SUGCT: variants seen among roughly 807,000 people sequenced by gnomAD.
The protein encoded by SUGCT is succinyl-CoA:glutarate CoA-transferase.
In SUGCT, 41 loss-of-function variants were observed where a neutral mutation model predicts 55.0. The observed-to-expected ratio is 0.74, with a 90% CI of 0.58 to 0.97. The LOEUF (loss-of-function observed/expected upper bound fraction) is 0.97. Among genes scored for constraint, SUGCT ranks in the 50% least tolerant of loss-of-function variants. The pLI is 0.00. For missense variants in SUGCT, 568 were observed against 547.8 expected (o/e 1.04, Z -0.37); for synonymous variants, 187 against 200.4 (o/e 0.93, Z 0.56).
chr7:40,248,506 T>C (rs1790066005), intron 7 of SUGCT, among the ~76,000 whole-genome samples: 1 of 152,178 alleles, frequency 6.6e-6, no homozygotes, highest in African/African-American at 2.4e-5. Context: ...TTACTAATAC[T>C]GTAACACTAC....
chr7:40,481,618 A>G (rs1202738072), intron 11 of SUGCT, among the ~76,000 whole-genome samples: 1 of 152,114 alleles, frequency 6.6e-6, no homozygotes, highest in Non-Finnish European at 1.5e-5. Flanking sequence ...TAATAACCCA[A>G]TAGAAAATCA....
intron 12 of SUGCT, among the ~76,000 whole-genome samples, chr7:40,723,041 T>A (rs994474735): frequency 2.0e-5 from 3 of 152,248 alleles, no homozygotes; most frequent in South Asian, 2.1e-4. Context: ...TTCATGAACA[T>A]TTTTTACAGG....
chr7:40,872,086 C>T, the SUGCT span, among the ~76,000 whole-genome samples: 17 of 152,204 alleles, frequency 1.1e-4, no homozygotes, highest in East Asian at 2.3e-3. Flanking sequence ...ATAGTGGGTA[C>T]TGATAAACAT....
intron 12 of SUGCT, among the ~76,000 whole-genome samples, chr7:40,581,905 T>C (rs1454541956): frequency 1.3e-5 from 2 of 152,156 alleles, no homozygotes; most frequent in African/African-American, 2.4e-5. Flanking sequence ...GAAGAGACTA[T>C]TGGGCACAGA....
chr7:40,508,025 CTT>C (rs1792704843), intron 12 of SUGCT, among the ~76,000 whole-genome samples: 1 of 152,206 alleles, frequency 6.6e-6, no homozygotes, highest in Non-Finnish European at 1.5e-5. Context: ...TCCACTCTCT[CTT>C]CCACGTAAGG....
chr7:40,593,551 T>A (rs778241595), intron 12 of SUGCT, among the ~76,000 whole-genome samples: 3 of 152,104 alleles, frequency 2.0e-5, no homozygotes, highest in Non-Finnish European at 4.4e-5. Context: ...TTAAAATATA[T>A]CAGTATGGGC....
chr7:40,394,307 G>A (rs1437491670), intron 9 of SUGCT, among the ~76,000 whole-genome samples: 4 of 152,016 alleles, frequency 2.6e-5, no homozygotes, highest in African/African-American at 9.7e-5. Flanking sequence ...TTAGCAAATG[G>A]GTTTTTTTAA....
intron 12 of SUGCT, among the ~76,000 whole-genome samples, chr7:40,624,865 A>G (rs1192056866): frequency 1.3e-5 from 2 of 151,916 alleles, no homozygotes; most frequent in Non-Finnish European, 2.9e-5. Flanking sequence ...TGTTTTCACA[A>G]TGGACTTCCA....
intron 13 of SUGCT, among the ~76,000 whole-genome samples, chr7:40,757,930 C>T (rs1049746826): frequency 6.6e-6 from 1 of 152,028 alleles, no homozygotes; most frequent in Non-Finnish European, 1.5e-5. Flanking sequence ...ACTGACTTTA[C>T]GATAAGCATT....
chr7:40,321,146 G>A (rs1169712502), intron 9 of SUGCT, among the ~76,000 whole-genome samples: 1 of 149,294 alleles, frequency 6.7e-6, no homozygotes, highest in African/African-American at 2.5e-5. Flanking sequence ...TGCGATCTCG[G>A]CTCACTGCAA....
intron 13 of SUGCT, among the ~76,000 whole-genome samples, chr7:40,859,376 C>G (rs1162332142): frequency 6.6e-6 from 1 of 152,146 alleles, no homozygotes; most frequent in East Asian, 1.9e-4. Flanking sequence ...CTATGATTAG[C>G]TATGTGGCCT....
intron 12 of SUGCT, among the ~76,000 whole-genome samples, chr7:40,742,366 C>A (rs1442790255): frequency 6.6e-6 from 1 of 152,010 alleles, no homozygotes; most frequent in Non-Finnish European, 1.5e-5. Context: ...TTTTTGGCAC[C>A]AGGGCCAGTT....
intron 8 of SUGCT, among the ~76,000 whole-genome samples, chr7:40,290,367 C>T (rs1157815931): frequency 1.3e-5 from 2 of 152,240 alleles, no homozygotes; most frequent in African/African-American, 2.4e-5. Context: ...CTACAACCAT[C>T]TGATCTTTGA....
chr7:40,361,074 C>A (rs1798127353), intron 9 of SUGCT, among the ~76,000 whole-genome samples: 1 of 152,010 alleles, frequency 6.6e-6, no homozygotes, highest in African/African-American at 2.4e-5. Flanking sequence ...ACTTCAGCCA[C>A]TGGGAGGATG....
chr7:40,325,127 A>G (rs10256791), intron 9 of SUGCT, among the ~76,000 whole-genome samples: 83,176 of 151,994 alleles, frequency 0.55, 22,915 homozygotes, highest in South Asian at 0.65. Flanking sequence ...GATATGCAGT[A>G]CTTTGCTATC....
intron 10 of SUGCT, among the ~76,000 whole-genome samples, chr7:40,454,490 T>C (rs1036674183): frequency 1.2e-4 from 18 of 152,150 alleles, no homozygotes; most frequent in African/African-American, 4.3e-4. Context: ...ACACATAGGC[T>C]ATATGGGATA....
chr7:40,682,873 A>G (rs1784314811), intron 12 of SUGCT, among the ~76,000 whole-genome samples: 1 of 152,144 alleles, frequency 6.6e-6, no homozygotes, highest in Non-Finnish European at 1.5e-5. Context: ...TCCATTCTAC[A>G]TTTTTGGTGT....
intron 12 of SUGCT, among the ~76,000 whole-genome samples, chr7:40,549,745 G>A (rs1321282020): frequency 6.6e-6 from 1 of 152,186 alleles, no homozygotes; most frequent in Non-Finnish European, 1.5e-5. Flanking sequence ...GCATGAGGAG[G>A]CAGTATAGAC....
At chr7:41,003,046 T>G in the SUGCT span, among the ~76,000 whole-genome samples, 1 of 152,164 alleles carries the variant, frequency 6.6e-6, no homozygotes, top group Non-Finnish European at 1.5e-5. Context: ...TGATATTATC[T>G]ACCACATAGA....
Sources: allele counts gnomAD v4.1 joint callset (sites outside exome capture counted in the v4.1 genomes callset), GRCh38; gene constraint gnomAD v4.1.1; transcripts MANE v1.5; gene names NCBI Gene and HGNC (gene_info 2026-07-23, HGNC 2026-07-21).